The following LMBR1 variants were observed in gnomAD, a reference collection of about 807,000 sequenced individuals.
LMBR1 encodes the protein limb development membrane protein 1, also known as limb region 1 protein homolog.
LMBR1 carries 52 observed loss-of-function variants against 73.9 expected under a neutral mutation model. That is an observed-to-expected ratio of 0.70 (90% CI 0.56 to 0.89). The LOEUF (loss-of-function observed/expected upper bound fraction) is 0.89, where lower values mean the gene tolerates loss of function less well. Among genes scored for constraint, LMBR1 ranks in the 40% least tolerant of loss-of-function variants. The pLI, the probability that LMBR1 is intolerant of heterozygous loss-of-function variation, is 0.00. For missense variants in LMBR1, 539 were observed against 579.8 expected, an observed-to-expected ratio of 0.93 and a Z score of 0.72; for synonymous variants, 215 against 209.4, an observed-to-expected ratio of 1.03 and a Z score of -0.23.
chr7:156,826,596 T>G lies in LMBR1; in HGVS notation c.319+9A>C. The G allele has an allele frequency of 6.7e-7, 1 of 1,499,244 alleles. No homozygotes were observed. Among genetic ancestry groups the G allele is most frequent in the South Asian group, 1.3e-5 (1 of 76,750 alleles). 92.9% of individuals were successfully genotyped at this position (1,499,244 alleles called of 1,614,324 possible). On this transcript the variant is annotated intron_variant, in intron 4 of 16. Transcript: ENST00000353442. The stretch of plus-strand genomic sequence containing the variant: ...TTAATTGTGATTATATTAAGCAATA[T>G]ATACTAACCATGAATCAGGGAGCCA...
intron 5 of LMBR1, among the ~76,000 whole-genome samples, chr7:156,792,559 G>T (rs1829398945): frequency 6.6e-6 from 1 of 152,238 alleles, no homozygotes; most frequent in Non-Finnish European, 1.5e-5. Flanking sequence ...ATAGCAAGGA[G>T]ATGGTCCTAA....
At chr7:156,761,976 C>CAAAAAAAAAAAAAAAAAAAAAA (rs552712592) in intron 8 of LMBR1, among the ~76,000 whole-genome samples, 158 bp downstream of exon 8, 1 of 104,206 alleles carries the variant, frequency 9.6e-6, no homozygotes, top group African/African-American at 4.0e-5. Flanking sequence ...GACTCTGTCT[C>CAAAAAAAAAAAAAAAAAAAAAA]AAAAAAAAAA....
chr7:156,805,090 T>C (rs897702936), intron 4 of LMBR1, among the ~76,000 whole-genome samples: 1 of 152,050 alleles, frequency 6.6e-6, no homozygotes, highest in African/African-American at 2.4e-5. Context: ...TAAAAAAAAA[T>C]CATCTTCCCA....
intron 9 of LMBR1, among the ~76,000 whole-genome samples, chr7:156,741,810 T>C (rs368852855): frequency 1.7e-4 from 26 of 152,258 alleles, no homozygotes; most frequent in African/African-American, 6.0e-4. Context: ...TAATAGATAT[T>C]TACAGAACAT....
chr7:156,762,848 T>A (rs762150452), intron 7 of LMBR1, among the ~76,000 whole-genome samples: 31 of 96,656 alleles, frequency 3.2e-4, no homozygotes, highest in African/African-American at 6.7e-4. Flanking sequence ...TGAGTGTGAG[T>A]GTGTGTGTGT....
chr7:156,763,770 G>A lies in LMBR1; in HGVS notation c.449C>T (p.Thr150Ile), dbSNP rs1483238603. Residue 150 changes from threonine to isoleucine, a missense_variant, in exon 6 of 17, where the codon ACT (threonine) becomes ATT (isoleucine). This residue lies in a region of LMBR1 where 454 missense variants were observed against 473.4 expected (regional missense o/e 0.96). Transcript: ENST00000353442. ...KKGIRARILETLVMLLLLALL... is the reference protein window; with the variant it reads ...KKGIRARILEILVMLLLLALL... The stretch of plus-strand genomic sequence containing the variant: ...CGCAAGAAGAAGAAGCATGACCAAA[G>A]TCTCTAAAATGCGGGCTCGGATTCC... 2 of 1,600,228 alleles carry A rather than the reference G, an allele frequency of 1.2e-6. No individual in the cohort carries two copies. The highest frequency in any genetic ancestry group is 1.7e-6 in the Non-Finnish European group (2 of 1,176,346).
intron 5 of LMBR1, among the ~76,000 whole-genome samples, chr7:156,767,882 T>C (rs1258404587): frequency 6.6e-6 from 1 of 152,150 alleles, no homozygotes; most frequent in Non-Finnish European, 1.5e-5. Context: ...GTGAAAATGA[T>C]TAAAAATTAT....
chr7:156,784,363 TAG>T (rs1444297552), intron 5 of LMBR1, among the ~76,000 whole-genome samples: 1 of 152,182 alleles, frequency 6.6e-6, no homozygotes, highest in African/African-American at 2.4e-5. Context: ...TGAATAGATC[TAG>T]AGAGTGGACG....
intron 15 of LMBR1, among the ~76,000 whole-genome samples, chr7:156,706,659 TA>T (rs966646119): frequency 4.7e-5 from 7 of 150,328 alleles, no homozygotes; most frequent in South Asian, 2.1e-4. Flanking sequence ...AGTCAGAAAT[TA>T]AAAAAAAAAT....
chr7:156,764,294 G>A (rs765808303), intron 5 of LMBR1, among the ~76,000 whole-genome samples: 1 of 152,062 alleles, frequency 6.6e-6, no homozygotes, highest in Non-Finnish European at 1.5e-5. Context: ...TTGTAATCCA[G>A]CATTATAAAC....
intron 15 of LMBR1, among the ~76,000 whole-genome samples, chr7:156,703,736 C>T (rs144651295): frequency 1.0e-3 from 156 of 152,246 alleles, no homozygotes; most frequent in African/African-American, 3.5e-3. Context: ...CCATGGGGGA[C>T]CTGAGTACAA....
At chr7:156,831,628 G>A (rs1836711101) in intron 3 of LMBR1, among the ~76,000 whole-genome samples, 1 of 152,040 alleles carries the variant, frequency 6.6e-6, no homozygotes, top group South Asian at 2.1e-4. Flanking sequence ...TGCATCCCCA[G>A]GATACAGAAA....
chr7:156,673,053 G>C (rs530637903), downstream of LMBR1, among the ~76,000 whole-genome samples: 1 of 152,222 alleles, frequency 6.6e-6, no homozygotes, highest in Non-Finnish European at 1.5e-5. Context: ...CTGAGGCTGC[G>C]GGGTCTGGGC....
intron 15 of LMBR1, among the ~76,000 whole-genome samples, chr7:156,701,536 C>T (rs974938780): frequency 6.6e-6 from 1 of 152,138 alleles, no homozygotes; most frequent in Non-Finnish European, 1.5e-5. Flanking sequence ...ATGAGAATGG[C>T]CAAAATCCAG....
intron 3 of LMBR1, among the ~76,000 whole-genome samples, chr7:156,831,772 G>A (rs1366532133): frequency 6.6e-6 from 1 of 152,110 alleles, no homozygotes; most frequent in Non-Finnish European, 1.5e-5. Context: ...TACTTTTAGG[G>A]GTAAAAGACA....
rs571079760 is a variant in LMBR1, at chr7:156,795,480, GAATA to G, written c.423+905_423+908del. On this transcript the variant is annotated intron_variant, in intron 5 of 16. Transcript: ENST00000353442. ...AAAATTCATTCTCTGTTGAATGAAT[GAATA>G]TCCATCAAAAGTTATGTTTCCAAAA... 3.8e-3 allele frequency among the ~76,000 whole-genome samples: 578 copies of G among 152,284 alleles called. 4 individuals carry two copies. The highest frequency in any genetic ancestry group is 0.013 in the African/African-American group (554 of 41,566).
chr7:156,719,767 T>C (rs1749766541), intron 15 of LMBR1, among the ~76,000 whole-genome samples: 1 of 152,078 alleles, frequency 6.6e-6, no homozygotes. Context: ...TATAGATCAA[T>C]GGAATAGAAC....
chr7:156,748,418 A>G (rs1186600042), intron 9 of LMBR1, among the ~76,000 whole-genome samples: 1 of 152,194 alleles, frequency 6.6e-6, no homozygotes, highest in African/African-American at 2.4e-5. Flanking sequence ...TGGGAATACC[A>G]TCACCTATCT....
At chr7:156,807,392 A>C (rs951313669) in intron 4 of LMBR1, among the ~76,000 whole-genome samples, 2 of 151,912 alleles carry the variant, frequency 1.3e-5, no homozygotes, top group African/African-American at 4.8e-5. Flanking sequence ...CATTCCCAGA[A>C]TATTTGAGAA....
Sources: gnomAD v4.1 joint callset for allele counts (sites outside exome capture counted in the v4.1 genomes callset) on GRCh38, gnomAD v4.1.1 for gene constraint, gnomAD v4.1.1 regional missense constraint, MANE v1.5 for transcripts, NCBI Gene and HGNC (gene_info 2026-07-23, HGNC 2026-07-21) for gene names.